Variants in NRXN3 observed in about 807,000 individuals in gnomAD.
NRXN3 encodes neurexin III.
In NRXN3, 32 loss-of-function variants were observed where a neutral mutation model predicts 137.6. That is an observed-to-expected ratio of 0.23 (90% confidence interval 0.18 to 0.31). NRXN3 has a LOEUF of 0.31. Ranked by LOEUF, NRXN3 falls within the 10% of genes least tolerant of loss-of-function variation. The probability of loss-of-function intolerance (pLI) is 1.00; values close to 1 mark genes in which losing one functional copy is unlikely to be tolerated. For missense variants in NRXN3, 1,574 were observed against 2,062.5 expected (o/e 0.76, Z 4.59); for synonymous variants, 798 against 784.5 (o/e 1.02, Z -0.29).
rs531138694 is a variant in NRXN3, at chr14:79,381,419, C to T, written c.3263-85802C>T. Among the ~76,000 whole-genome samples, 6 of 152,206 alleles carry T rather than the reference C, an allele frequency of 3.9e-5. No individual in the cohort carries two copies. The South Asian group carries it at 6.2e-4, about 16-fold the overall frequency. ...TGATCTCTGAAAGTTCTTGAATTCT[C>T]CATTATCATCAGAATACCTGGCCCT... On this transcript the variant is annotated intron_variant, in intron 15 of 20. Transcript: ENST00000335750.
intron 16 of NRXN3, among the ~76,000 whole-genome samples, chr14:79,631,590 G>A (rs551527569): frequency 8.5e-5 from 13 of 152,240 alleles, no homozygotes; most frequent in Non-Finnish European, 1.0e-4. Flanking sequence ...CTGGGCTGCC[G>A]GAGTGCCCGT....
intron 1 of NRXN3, among the ~76,000 whole-genome samples, chr14:78,230,523 C>T (rs530298421): frequency 1.3e-5 from 2 of 152,216 alleles, no homozygotes; most frequent in African/African-American, 4.8e-5. Context: ...AGGCACTAAA[C>T]CTGCCATCCT....
intron 4 of NRXN3, among the ~76,000 whole-genome samples, chr14:78,305,681 C>A (rs914756608): frequency 6.6e-6 from 1 of 152,138 alleles, no homozygotes; most frequent in African/African-American, 2.4e-5. Flanking sequence ...ATGCAAATTC[C>A]TTTACTAATG....
In NRXN3 at chr14:79,753,373, T is replaced by C. The variant is rs542141850; in HGVS notation, c.4015-51739T>C. 2.6e-5 allele frequency among the ~76,000 whole-genome samples: 4 copies of C among 152,042 alleles called. No individual in the cohort carries two copies. The South Asian group carries it at 8.3e-4, about 32-fold the overall frequency. On this transcript the variant is annotated intron_variant, in intron 19 of 20. Coordinates refer to ENST00000335750, the MANE Select transcript of NRXN3 (RefSeq NM_001330195.2). ...AAGAAAATGTGGCACATATATACCA[T>C]GGAATACTATGCAGCCATAAAAAAT...
intron 10 of NRXN3, among the ~76,000 whole-genome samples, chr14:78,859,333 A>C (rs942813965): frequency 1.3e-5 from 2 of 152,138 alleles, no homozygotes; most frequent in Admixed American, 1.3e-4. Context: ...CCAACACTGG[A>C]TCAAATCTGG....
At chr14:78,591,969 C>T (rs185892596) in intron 4 of NRXN3, among the ~76,000 whole-genome samples, 155 of 152,238 alleles carry the variant, frequency 1.0e-3, no homozygotes, top group Non-Finnish European at 1.8e-3. Flanking sequence ...TAAAACAATG[C>T]GTAGGCCTCA....
At chr14:79,599,030 T>G (rs2097893904) in intron 16 of NRXN3, among the ~76,000 whole-genome samples, 1 of 152,228 alleles carries the variant, frequency 6.6e-6, no homozygotes, top group Non-Finnish European at 1.5e-5. Context: ...ACTTTTAAAA[T>G]CAACATATAA....
At chr14:78,283,165 G>A (rs1474227287) in intron 3 of NRXN3, 1 of 152,234 alleles carries the variant, frequency 6.6e-6, no homozygotes, top group East Asian at 1.9e-4. Flanking sequence ...TTAGGGAAGG[G>A]AACGAGAATG....
chr14:78,924,396 T>C (rs2099279312), intron 10 of NRXN3, among the ~76,000 whole-genome samples: 1 of 151,834 alleles, frequency 6.6e-6, no homozygotes, highest in Non-Finnish European at 1.5e-5. Context: ...CCCTATTGTA[T>C]TTTAAATGAA....
chr14:78,685,813 T>TC (rs1428201823), intron 6 of NRXN3, among the ~76,000 whole-genome samples: 22 of 138,128 alleles, frequency 1.6e-4, no homozygotes, highest in African/African-American at 5.2e-4. Context: ...TTTCTTTCTT[T>TC]TTTTTTTTTT....
intron 15 of NRXN3, among the ~76,000 whole-genome samples, chr14:79,375,235 G>GTTTTTTTTTTT (rs35994648): frequency 7.7e-6 from 1 of 129,982 alleles, no homozygotes; most frequent in African/African-American, 2.9e-5. Flanking sequence ...GAGTTTTTGT[G>GTTTTTTTTTTT]TTTTTTTTTT....
At chr14:78,929,771 C>T (rs1349168585) in intron 10 of NRXN3, among the ~76,000 whole-genome samples, 1 of 152,076 alleles carries the variant, frequency 6.6e-6, no homozygotes, top group African/African-American at 2.4e-5. Flanking sequence ...AATTTGTTAC[C>T]ACAAGACCTT....
chr14:78,770,854 G>T (rs73317994), intron 8 of NRXN3, among the ~76,000 whole-genome samples: 1 of 152,108 alleles, frequency 6.6e-6, no homozygotes, highest in Non-Finnish European at 1.5e-5. Context: ...TGGGGTTGGG[G>T]GGGGTACAGC....
chr14:79,058,053 G>A (rs975469260), intron 15 of NRXN3, among the ~76,000 whole-genome samples: 10 of 152,052 alleles, frequency 6.6e-5, no homozygotes, highest in African/African-American at 2.2e-4. Context: ...GGATGTAACC[G>A]AGAGGAAAAT....
At chr14:79,005,064 C>T (rs1396234843) in intron 15 of NRXN3, among the ~76,000 whole-genome samples, 1 of 152,164 alleles carries the variant, frequency 6.6e-6, no homozygotes, top group Admixed American at 6.6e-5. Context: ...ATTGCTGGTA[C>T]TGCTTCCTAA....
intron 4 of NRXN3, among the ~76,000 whole-genome samples, chr14:78,522,211 ACATAT>A (rs1294178955): frequency 3.3e-5 from 5 of 152,200 alleles, no homozygotes; most frequent in African/African-American, 1.2e-4. Context: ...ATACTTTTTT[ACATAT>A]CATTTAATCA....
At chr14:79,480,945 AC>A in intron 16 of NRXN3, among the ~76,000 whole-genome samples, 1 of 151,528 alleles carries the variant, frequency 6.6e-6, no homozygotes, top group Middle Eastern at 3.4e-3. Context: ...AGCCAATTAA[AC>A]CCCTTTTCTT....
chr14:79,574,097 A>C (rs933160092), intron 16 of NRXN3, among the ~76,000 whole-genome samples: 1 of 152,096 alleles, frequency 6.6e-6, no homozygotes, highest in African/African-American at 2.4e-5. Context: ...TAAAGACCTA[A>C]AGGAGTATAA....
chr14:78,230,110 C>T (rs1051340580), intron 1 of NRXN3, among the ~76,000 whole-genome samples: 3 of 152,106 alleles, frequency 2.0e-5, no homozygotes, highest in Non-Finnish European at 4.4e-5. Context: ...CTGCAACCTC[C>T]GCCTCCTGAA....
Sources: allele counts gnomAD v4.1 joint callset (sites outside exome capture counted in the v4.1 genomes callset), GRCh38; gene constraint gnomAD v4.1.1; transcripts MANE v1.5; gene names NCBI Gene and HGNC (gene_info 2026-07-23, HGNC 2026-07-21).